Variants in CNTRL observed in about 807,000 individuals in gnomAD.
CNTRL encodes centriolin.
In CNTRL, 233 loss-of-function variants were observed where a neutral mutation model predicts 303.7. That is an observed-to-expected ratio of 0.77 (90% CI 0.69 to 0.86). The LOEUF (loss-of-function observed/expected upper bound fraction) is 0.86, where lower values mean the gene tolerates loss of function less well. CNTRL is among the 40% of genes least tolerant of loss of function. The pLI, the probability that CNTRL is intolerant of heterozygous loss-of-function variation, is 0.00. For synonymous variants in CNTRL, 900 were observed against 922.2 expected (o/e 0.98, Z 0.44); for missense variants, 2,524 against 2,650.6 (o/e 0.95, Z 1.05).
At chr9:121,083,053 A>T (rs1333593172) in intron 2 of CNTRL, among the ~76,000 whole-genome samples, 1 of 152,072 alleles carries the variant, frequency 6.6e-6, no homozygotes, top group Non-Finnish European at 1.5e-5. Flanking sequence ...AGCACTTACC[A>T]GATGAATGGA....
rs748054887 is a variant in CNTRL at position 121,088,434 on chromosome 9, A to G, written c.108A>G (p.Ser36=). 4.7e-5 allele frequency: 76 copies of G among 1,611,874 alleles called. 2 individuals carry two copies. In the Middle Eastern group the frequency reaches 1.3e-3, roughly 28 times the overall value. ...CCAATATGAGATCTAGGTCACTTTC[A>G]CCTTTGATTGGATCAGAGACTCTAC... is the stretch of plus-strand genomic sequence containing the variant. ...SMSNMRSRSL[S]PLIGSETLPF... is the part of the protein sequence containing the mutation. Residue 36 remains serine, a synonymous_variant, in exon 3 of 44, where the codon TCA becomes TCG. Transcript: ENST00000373855.
chr9:121,171,790 G>T (rs946484318), intron 40 of CNTRL, among the ~76,000 whole-genome samples: 19 of 152,234 alleles, frequency 1.2e-4, no homozygotes, highest in African/African-American at 4.6e-4. Flanking sequence ...AGGAAAAAAG[G>T]TAATTCTTGA....
chr9:121,080,791 G>A (rs1469817510), intron 2 of CNTRL, among the ~76,000 whole-genome samples: 1 of 152,122 alleles, frequency 6.6e-6, no homozygotes, highest in African/African-American at 2.4e-5. Context: ...CTGTAGGGGA[G>A]GAAAGGGAGT....
chr9:121,079,821 A>C (rs772574923), intron 1 of CNTRL, among the ~76,000 whole-genome samples: 18 of 151,904 alleles, frequency 1.2e-4, no homozygotes, highest in Non-Finnish European at 2.5e-4. Context: ...GATATCAGAG[A>C]TCCTTTCTTT....
chr9:121,136,086 CAA>C (rs1491362385), intron 15 of CNTRL, 104 bp downstream of exon 15: 26 of 1,075,978 alleles, frequency 2.4e-5, no homozygotes, highest in Non-Finnish European at 3.4e-5. Context: ...TTTTTTCATA[CAA>C]TATATATGGA....
At chr9:121,117,438 T>G (rs980585715) in intron 11 of CNTRL, among the ~76,000 whole-genome samples, 1 of 152,192 alleles carries the variant, frequency 6.6e-6, no homozygotes, top group Non-Finnish European at 1.5e-5. Context: ...AAATAAGAGA[T>G]AGAGTATTAA....
Position 121,171,437 on chromosome 9 carries a change from A to C in CNTRL, c.6306A>C (p.Gln2102His). The stretch of plus-strand genomic sequence containing the variant: ...AAAAACAGGAGAACAGCTGCATACA[A>C]AAGGAAATGGCAACAATTGAACTGG... ...LEQKQENSCI[Q>H]KEMATIELVA... The change falls in exon 40 of 44, where the codon CAA becomes CAC. Residue 2102 changes from glutamine to histidine, a missense_variant. By Grantham distance (24) the Gln-to-His change is conservative. Coordinates refer to ENST00000373855, the MANE Select transcript of CNTRL (RefSeq NM_007018.6). 6.2e-7 allele frequency: 1 copy of C among 1,614,072 alleles called. No individual in the cohort carries two copies. Among genetic ancestry groups the C allele is most frequent in the Non-Finnish European group, 8.5e-7 (1 of 1,179,962 alleles).
At chr9:121,161,298 C>A in intron 32 of CNTRL, 1 of 438,628 alleles carries the variant, frequency 2.3e-6, no homozygotes. Context: ...CTACAGTAAG[C>A]AAGTATCTCT....
At chr9:121,142,338 G>T in intron 19 of CNTRL, 68 bp downstream of exon 19, 1 of 1,400,718 alleles carries the variant, frequency 7.1e-7, no homozygotes, top group East Asian at 2.4e-5. Context: ...TGGCAACTAG[G>T]TCAGCTGAGA....
At chr9:121,128,105 A>G (rs1417288545) in intron 14 of CNTRL, among the ~76,000 whole-genome samples, 1 of 152,152 alleles carries the variant, frequency 6.6e-6, no homozygotes, top group African/African-American at 2.4e-5. Context: ...CAATAAACAC[A>G]TGTGTGCATG....
At chr9:121,082,818 A>G (rs2048191416) in intron 2 of CNTRL, among the ~76,000 whole-genome samples, 1 of 151,980 alleles carries the variant, frequency 6.6e-6, no homozygotes, top group South Asian at 2.1e-4. Flanking sequence ...AAAAATACCA[A>G]AATTAGCCAG....
intron 7 of CNTRL, among the ~76,000 whole-genome samples, chr9:121,100,203 C>A (rs920777161): frequency 2.0e-4 from 30 of 152,196 alleles, no homozygotes; most frequent in Non-Finnish European, 3.1e-4. Flanking sequence ...GACTAACAGC[C>A]GATCTCTTGG....
intron 38 of CNTRL, 38 bp from the exon 39 acceptor site, chr9:121,169,573 G>A (rs2053223472): frequency 6.2e-7 from 1 of 1,605,462 alleles, no homozygotes; most frequent in Non-Finnish European, 8.5e-7. Flanking sequence ...AGCTGGCTCG[G>A]GGTCTTTGGC....
At chr9:121,148,601 G>C (rs2052018962) in intron 23 of CNTRL, 71 bp from the exon 24 acceptor site, 2 of 1,402,104 alleles carry the variant, frequency 1.4e-6, no homozygotes, top group East Asian at 4.6e-5. Flanking sequence ...CTTTGCTGTA[G>C]ACTTTGACGT....
At chr9:121,096,620 A>G in intron 6 of CNTRL, 57 bp downstream of exon 6, 1 of 1,305,164 alleles carries the variant, frequency 7.7e-7, no homozygotes, top group South Asian at 2.3e-5. Context: ...AAAGATTAAA[A>G]ATATCTAAGT....
intron 15 of CNTRL, among the ~76,000 whole-genome samples, chr9:121,138,200 C>G (rs1189412953): frequency 1.3e-5 from 2 of 151,996 alleles, no homozygotes; most frequent in Non-Finnish European, 2.9e-5. Context: ...TTTTGAGGAC[C>G]ACAGTTTGAG....
rs1244548797 is a variant in CNTRL at position 121,168,244 on chromosome 9, CAGCTGAAG to C, written c.5997_6004del (p.Glu2000CysfsTer2). 6.2e-6 allele frequency: 10 copies of C among 1,613,994 alleles called. No individual in the cohort carries two copies. Among genetic ancestry groups the C allele is most frequent in the Non-Finnish European group, 8.5e-6 (10 of 1,180,032 alleles). On this transcript the variant is annotated frameshift_variant, in exon 38 of 44. Coordinates refer to ENST00000373855, the MANE Select transcript of CNTRL (RefSeq NM_007018.6). LOFTEE classifies it high-confidence loss of function. ...GACCAAGTGCTCTCAAAGGTGCTGG[CAGCTGAAG>C]AGCGTGTTAGGACTCTGCAGGAAGA...
intron 17 of CNTRL, 105 bp from the exon 18 acceptor site, chr9:121,141,276 C>T: frequency 1.2e-6 from 1 of 854,552 alleles, no homozygotes; most frequent in Non-Finnish European, 1.9e-6. Flanking sequence ...TGACACCAGT[C>T]CCTGCACACA....
chr9:121,175,059 A>T lies in CNTRL; in HGVS notation c.6789A>T (p.Leu2263Phe). ...GTATGTCCAAGCAAGCAGAAGTATT[A>T]ATTAAAGGAAAGCGGCAGACAGAGG... Reference protein sequence around the residue: ...RHCMSKQAEVLIKGKRQTEGT... With the variant: ...RHCMSKQAEVFIKGKRQTEGT... Residue 2263 changes from leucine (L) to phenylalanine (F), a missense_variant, in exon 43 of 44, where the codon TTA (leucine) becomes TTT (phenylalanine). By Grantham distance (22) the Leu-to-Phe change is conservative. Coordinates refer to ENST00000373855, the MANE Select transcript of CNTRL (RefSeq NM_007018.6). 6.2e-7 allele frequency: 1 copy of T among 1,613,814 alleles called. No homozygotes were observed. Among genetic ancestry groups the T allele is most frequent in the Non-Finnish European group, 8.5e-7 (1 of 1,179,948 alleles).
Sources: gnomAD v4.1 joint callset for allele counts (sites outside exome capture counted in the v4.1 genomes callset) on GRCh38, gnomAD v4.1.1 for gene constraint, MANE v1.5 for transcripts, NCBI Gene and HGNC (gene_info 2026-07-23, HGNC 2026-07-21) for gene names.